ANO2: variants seen among roughly 807,000 people sequenced by gnomAD.
ANO2 encodes the protein anoctamin 2.
Under a neutral mutation model 124.2 loss-of-function variants are expected in ANO2, and 101 were observed. That is an observed-to-expected ratio of 0.81 (90% CI 0.69 to 0.96). The LOEUF is 0.96. Ranked by LOEUF, ANO2 falls within the 40% of genes least tolerant of loss-of-function variation. The pLI, the probability that ANO2 is intolerant of heterozygous loss-of-function variation, is 0.00. For missense variants in ANO2, 1,293 were observed against 1,274.5 expected (o/e 1.01, Z -0.22); for synonymous variants, 486 against 482.5 (o/e 1.01, Z -0.09).
At chr12:5,797,796 T>C (rs775536474) in intron 10 of ANO2, among the ~76,000 whole-genome samples, 10 of 152,136 alleles carry the variant, frequency 6.6e-5, no homozygotes, top group Admixed American at 3.9e-4. Flanking sequence ...ATCTGATCTG[T>C]GAGGAGCTGT....
Position 5,563,034 on chromosome 12 carries a change from T to G in ANO2, c.*265A>C, listed in dbSNP as rs980953766. The stretch of plus-strand genomic sequence containing the variant: ...AGACTCTGGGGTGGAGAGACCCCAG[T>G]GGGGTTCCAATCCCTCAAAAGGATG... On this transcript the variant is annotated 3_prime_UTR_variant, in exon 25 of 25. Transcript: ENST00000682330. 3.9e-6 allele frequency: 2 copies of G among 509,908 alleles called. No homozygotes were observed. The highest frequency in any genetic ancestry group is 3.8e-5 in the African/African-American group (2 of 52,204). 31.6% of individuals were successfully genotyped at this position (509,908 alleles called of 1,614,324 possible).
intron 19 of ANO2, among the ~76,000 whole-genome samples, chr12:5,607,289 C>T (rs1273128131): frequency 6.6e-6 from 1 of 152,196 alleles, no homozygotes; most frequent in Non-Finnish European, 1.5e-5. Context: ...GCCTATGCCA[C>T]ACAGTAAAAT....
chr12:5,634,136 T>G (rs1162923933), intron 16 of ANO2, among the ~76,000 whole-genome samples: 1 of 152,184 alleles, frequency 6.6e-6, no homozygotes, highest in African/African-American at 2.4e-5. Context: ...AATATGCACA[T>G]GCCTGGAAAG....
intron 1 of ANO2, among the ~76,000 whole-genome samples, chr12:5,927,489 C>T (rs1005750393): frequency 6.6e-5 from 10 of 152,300 alleles, no homozygotes; most frequent in Non-Finnish European, 1.0e-4. Context: ...TCTCCCCAAA[C>T]CAGTCCTTCC....
rs545541347 is a variant in ANO2, at chr12:5,699,468, A to G, written c.1545+33052T>C. The stretch of plus-strand genomic sequence containing the variant: ...CACTAAACATGGAAAGGAACAACCC[A>G]TACCAGCCACTGCAAAGACATGCCA... On this transcript the variant is annotated intron_variant, in intron 14 of 24. Coordinates refer to ENST00000682330, the MANE Select transcript of ANO2 (RefSeq NM_001364791.2). 6.9e-4 allele frequency among the ~76,000 whole-genome samples: 105 copies of G among 152,294 alleles called. 1 individual carries two copies. In the South Asian group the frequency reaches 0.02, roughly 29 times the overall value.
chr12:5,646,654 T>G (rs1412896674), intron 15 of ANO2, among the ~76,000 whole-genome samples: 1 of 152,154 alleles, frequency 6.6e-6, no homozygotes, highest in Non-Finnish European at 1.5e-5. Context: ...CATTGCAGCT[T>G]AACACACGGC....
intron 13 of ANO2, among the ~76,000 whole-genome samples, chr12:5,738,112 C>G (rs570045694): frequency 6.6e-6 from 1 of 152,326 alleles, no homozygotes; most frequent in African/African-American, 2.4e-5. Context: ...GCAGCACACC[C>G]TGCACTGGTA....
chr12:5,906,168 G>C (rs927040108), intron 3 of ANO2, among the ~76,000 whole-genome samples: 1 of 152,072 alleles, frequency 6.6e-6, no homozygotes, highest in Admixed American at 6.5e-5. Context: ...TGGGGGCAGG[G>C]CTAGGAGAAG....
At chr12:5,856,059 C>CT (rs1168923863) in intron 3 of ANO2, among the ~76,000 whole-genome samples, 1 of 152,170 alleles carries the variant, frequency 6.6e-6, no homozygotes, top group African/African-American at 2.4e-5. Flanking sequence ...CAATCACTTG[C>CT]TACTACTTCT....
At chr12:5,580,512 C>T (rs571343249) in intron 20 of ANO2, among the ~76,000 whole-genome samples, 2 of 152,166 alleles carry the variant, frequency 1.3e-5, no homozygotes, top group South Asian at 4.1e-4. Flanking sequence ...CAATGGGCAT[C>T]AGCAACCTCA....
intron 7 of ANO2, among the ~76,000 whole-genome samples, chr12:5,812,634 AAGGAAGGGAAGGAGGAAGGGAGGAAGAG>A (rs1407845561): frequency 2.0e-5 from 3 of 148,488 alleles, no homozygotes; most frequent in Admixed American, 2.0e-4. Context: ...AAGAGGAAGG[AAGGAAGGGAAGGAGGAAGGGAGGAAGAG>A]AGGGAGGGAA....
At chr12:5,901,355 C>A (rs1318874498) in intron 3 of ANO2, among the ~76,000 whole-genome samples, 2 of 152,164 alleles carry the variant, frequency 1.3e-5, no homozygotes, top group Non-Finnish European at 2.9e-5. Context: ...GATACCCCAA[C>A]AAGAACAAGG....
intron 13 of ANO2, among the ~76,000 whole-genome samples, chr12:5,735,529 A>G (rs1325215371): frequency 6.6e-6 from 1 of 152,212 alleles, no homozygotes; most frequent in African/African-American, 2.4e-5. Flanking sequence ...CAAGTAGAGA[A>G]AAGGTACAGT....
In ANO2 at chr12:5,658,225, T is replaced by C. The variant is rs1161396961; in HGVS notation, c.1546-10424A>G. Among the ~76,000 whole-genome samples the C allele has an allele frequency of 3.3e-5, 5 of 152,142 alleles. No individual in the cohort carries two copies. Among genetic ancestry groups the C allele is most frequent in the Admixed American group, 3.3e-4 (5 of 15,274 alleles). On this transcript the variant is annotated intron_variant, in intron 14 of 24. Coordinates refer to ENST00000682330, the MANE Select transcript of ANO2 (RefSeq NM_001364791.2). The surrounding 1 kb of genome is among the most constrained non-coding windows in gnomAD (Gnocchi z 4.3). ...TTCAGGCATGTTACCAACTTCTCTATACCTCCACTTCCTCACCCATAACAA... is the reference window on the plus strand; with the variant it reads ...TTCAGGCATGTTACCAACTTCTCTACACCTCCACTTCCTCACCCATAACAA...
At chr12:5,831,117 T>C (rs1954136844) in intron 5 of ANO2, among the ~76,000 whole-genome samples, 1 of 152,226 alleles carries the variant, frequency 6.6e-6, no homozygotes, top group Admixed American at 6.5e-5. Flanking sequence ...TGGGGCATGT[T>C]TGTCATGCTG....
intron 14 of ANO2, among the ~76,000 whole-genome samples, chr12:5,676,583 G>T (rs555254001): frequency 3.9e-5 from 6 of 152,152 alleles, no homozygotes; most frequent in Admixed American, 3.9e-4. Context: ...TTTTTCTAAA[G>T]AACTTATGTG....
chr12:5,614,794 T>C (rs1944719174), intron 17 of ANO2, among the ~76,000 whole-genome samples: 1 of 152,176 alleles, frequency 6.6e-6, no homozygotes, highest in Non-Finnish European at 1.5e-5. Flanking sequence ...GGAAGTCTTG[T>C]GAGGGGCCGT....
At chr12:5,865,424 A>G (rs564040555) in intron 3 of ANO2, among the ~76,000 whole-genome samples, 1 of 152,018 alleles carries the variant, frequency 6.6e-6, no homozygotes, top group African/African-American at 2.4e-5. Flanking sequence ...AATTCATACC[A>G]TCAAGAATTC....
chr12:5,789,654 G>T (rs1461271588), intron 10 of ANO2, among the ~76,000 whole-genome samples: 1 of 152,202 alleles, frequency 6.6e-6, no homozygotes, highest in Admixed American at 6.5e-5. Flanking sequence ...GGTACTAGAA[G>T]ACAGCAGTCT....
Sources: allele counts gnomAD v4.1 joint callset (sites outside exome capture counted in the v4.1 genomes callset), GRCh38; gene constraint gnomAD v4.1.1; non-coding constraint Gnocchi (gnomAD v3.1); transcripts MANE v1.5; gene names NCBI Gene and HGNC (gene_info 2026-07-23, HGNC 2026-07-21).